The following DMD variants were observed in gnomAD, a reference collection of about 807,000 sequenced individuals.
DMD encodes dystrophin, also known as mutant dystrophin.
DMD carries 63 observed loss-of-function variants against 330.1 expected under a neutral mutation model. The observed-to-expected ratio is 0.19, with a 90% confidence interval of 0.16 to 0.24. The LOEUF is 0.24. DMD is among the 10% of genes least tolerant of loss of function. DMD has a pLI of 1.00. For missense variants in DMD, 3,344 were observed against 2,684.1 expected (o/e 1.25, Z -5.43); for synonymous variants, 1,223 against 959.8 (o/e 1.27, Z -5.07).
chrX:31,623,070 A>G (rs2078646560), intron 55 of DMD, among the ~76,000 whole-genome samples: 1 of 109,402 alleles, frequency 9.1e-6, no homozygotes, highest in Admixed American at 9.8e-5. Flanking sequence ...AGGAAGGAAT[A>G]CACTAAAGGT....
chrX:32,942,281 G>A (rs1439371853), intron 2 of DMD, among the ~76,000 whole-genome samples: 1 of 112,541 alleles, frequency 8.9e-6, no homozygotes, highest in African/African-American at 3.2e-5. Context: ...AGTGGCTCAT[G>A]CCTGTAATCC....
intron 62 of DMD, among the ~76,000 whole-genome samples, chrX:31,262,708 C>G (rs2050644174): frequency 8.9e-6 from 1 of 112,467 alleles, no homozygotes; most frequent in Admixed American, 9.3e-5. Flanking sequence ...GCAAGAAGAG[C>G]AGGAGATATG....
chrX:31,935,755 A>G (rs1413455839), intron 45 of DMD, among the ~76,000 whole-genome samples: 1 of 100,544 alleles, frequency 9.9e-6, no homozygotes, highest in Admixed American at 1.1e-4. Context: ...CTAGAAGCAG[A>G]CACGTTTAAG....
chrX:31,356,108 T>TA (rs986446327), intron 60 of DMD, among the ~76,000 whole-genome samples: 4 of 111,703 alleles, frequency 3.6e-5, no homozygotes, highest in African/African-American at 1.3e-4. Flanking sequence ...ACTTAGGAGT[T>TA]AAACAGTGTT....
At chrX:33,265,931 A>G (rs1204762659) in intron 1 of DMD, among the ~76,000 whole-genome samples, 2 of 111,676 alleles carry the variant, frequency 1.8e-5, no homozygotes, top group African/African-American at 3.2e-5. Flanking sequence ...TATTCCAGAT[A>G]AGAAGACCCT....
intron 7 of DMD, among the ~76,000 whole-genome samples, chrX:32,758,273 G>A (rs374118938): frequency 4.5e-5 from 5 of 111,777 alleles, no homozygotes; most frequent in Middle Eastern, 4.7e-3. Flanking sequence ...TTAGAGAGCA[G>A]TGGTGATACA....
At chrX:32,683,275 C>A (rs972587852) in intron 9 of DMD, among the ~76,000 whole-genome samples, 1 of 110,497 alleles carries the variant, frequency 9.1e-6, no homozygotes, top group Non-Finnish European at 1.9e-5. Flanking sequence ...CCACTTGACC[C>A]AGCCATCACA....
intron 65 of DMD, among the ~76,000 whole-genome samples, chrX:31,208,460 T>A (rs775504109): frequency 8.9e-6 from 1 of 111,941 alleles, no homozygotes; most frequent in South Asian, 3.8e-4. Context: ...AAAATATATT[T>A]GAGGGGAAAC....
At chrX:31,392,240 C>T (rs755037287) in intron 60 of DMD, among the ~76,000 whole-genome samples, 4 of 111,995 alleles carry the variant, frequency 3.6e-5, no homozygotes, top group East Asian at 5.6e-4. Flanking sequence ...ATAACCATCG[C>T]GTGACAATTC....
At chrX:32,639,716 T>C (rs1254123955) in intron 11 of DMD, among the ~76,000 whole-genome samples, 1 of 112,112 alleles carries the variant, frequency 8.9e-6, no homozygotes, top group Non-Finnish European at 1.9e-5. Flanking sequence ...AGTATCTGTA[T>C]GGTTATCTTT....
At position 32,846,723 on chromosome X, in the gene DMD, T is replaced by TAAAAA. The variant is rs10564725; in HGVS notation, c.187-1868_187-1864dup. ...GAGGAAAAAAATAAGACTTTAGATT[T>TAAAAA]AAAAAAAAAAAAAAAAAAAAAAAAG... is the stretch of plus-strand genomic sequence containing the variant. On this transcript the variant is annotated intron_variant, in intron 3 of 78. Coordinates refer to ENST00000357033, the MANE Select transcript of DMD (RefSeq NM_004006.3). 4.4e-3 allele frequency among the ~76,000 whole-genome samples: 233 copies of TAAAAA among 53,454 alleles called. 1 individual carries two copies. Among genetic ancestry groups the TAAAAA allele is most frequent in the African/African-American group, 0.014 (198 of 14,384 alleles). 46.4% of individuals were successfully genotyped at this position (53,454 alleles called of 115,157 possible).
At chrX:31,776,791 G>T (rs186453095) in intron 50 of DMD, among the ~76,000 whole-genome samples, 2 of 112,119 alleles carry the variant, frequency 1.8e-5, no homozygotes. Flanking sequence ...GGTTCATGAT[G>T]ACTAAATATG....
At chrX:32,816,127 T>A (rs2077740539) in intron 6 of DMD, among the ~76,000 whole-genome samples, 1 of 111,489 alleles carries the variant, frequency 9.0e-6, no homozygotes, top group African/African-American at 3.3e-5. Context: ...AAACACATTA[T>A]CTGTATAAAA....
chrX:31,883,631 G>A (rs1225899011), intron 47 of DMD, among the ~76,000 whole-genome samples: 10 of 111,105 alleles, frequency 9.0e-5, no homozygotes, highest in Non-Finnish European at 1.9e-4. Flanking sequence ...TCACTCTGGC[G>A]AAAAAGTGAA....
At chrX:32,078,678 T>C (rs2096370538) in intron 44 of DMD, among the ~76,000 whole-genome samples, 1 of 112,107 alleles carries the variant, frequency 8.9e-6, no homozygotes, top group Non-Finnish European at 1.9e-5. Context: ...CTGTTCCTTT[T>C]GATTGTTATT....
At chrX:33,007,653 G>A (rs2093422705) in intron 2 of DMD, among the ~76,000 whole-genome samples, 1 of 111,268 alleles carries the variant, frequency 9.0e-6, no homozygotes, top group South Asian at 3.7e-4. Flanking sequence ...CTAGCTAACA[G>A]GGCCTTATGA....
intron 29 of DMD, among the ~76,000 whole-genome samples, chrX:32,435,213 T>TAG (rs1392262087): frequency 9.8e-6 from 1 of 102,164 alleles, no homozygotes; most frequent in African/African-American, 3.5e-5. Context: ...CTCAGTGGGA[T>TAG]ATATATATAT....
chrX:33,102,316 GT>G (rs3083153), intron 1 of DMD, among the ~76,000 whole-genome samples: 31,809 of 95,567 alleles, frequency 0.33, 4,479 homozygotes, highest in East Asian at 0.84. Context: ...GGTTTTTTTT[GT>G]TTTTTTTTTT....
At chrX:32,069,897 C>G (rs939229139) in intron 44 of DMD, among the ~76,000 whole-genome samples, 2 of 111,746 alleles carry the variant, frequency 1.8e-5, no homozygotes, top group Non-Finnish European at 1.9e-5. Context: ...CCATCAGCAA[C>G]GTGTTGCTAC....
Sources: gnomAD v4.1 joint callset for allele counts (sites outside exome capture counted in the v4.1 genomes callset) on GRCh38, gnomAD v4.1.1 for gene constraint, MANE v1.5 for transcripts, NCBI Gene and HGNC (gene_info 2026-07-23, HGNC 2026-07-21) for gene names.